Variants in CCDC148 observed in about 807,000 individuals in gnomAD.
CCDC148 encodes coiled-coil domain-containing protein 148.
In CCDC148, 89 loss-of-function variants were observed where a neutral mutation model predicts 85.7. That is an observed-to-expected ratio of 1.04 (90% CI 0.87 to 1.24). The LOEUF is 1.24. CCDC148 is among the 50% of genes most tolerant of loss of function. The pLI is 0.00. For missense variants in CCDC148, 692 were observed against 671.7 expected (o/e 1.03, Z -0.33); for synonymous variants, 230 against 213.9 (o/e 1.08, Z -0.66).
chr2:158,412,826 T>TTTATTATTA (rs70994204), intron 1 of CCDC148, among the ~76,000 whole-genome samples: 32 of 138,914 alleles, frequency 2.3e-4, no homozygotes, highest in South Asian at 4.5e-4. Flanking sequence ...AATATAAGTA[T>TTTATTATTA]TTATTATTAT....
At chr2:158,280,108 A>C (rs1350983218) in intron 9 of CCDC148, among the ~76,000 whole-genome samples, 2 of 152,122 alleles carry the variant, frequency 1.3e-5, no homozygotes, top group Non-Finnish European at 2.9e-5. Context: ...GCCTGCCCTA[A>C]AAGAGCTCCT....
At chr2:158,424,982 T>C (rs1687007789) in intron 1 of CCDC148, 1 of 369,682 alleles carries the variant, frequency 2.7e-6, no homozygotes, top group Admixed American at 3.3e-5. Flanking sequence ...CCCAAAGAGA[T>C]ATAGAAGCTG....
At chr2:158,441,814 T>A (rs964921899) in intron 1 of CCDC148, among the ~76,000 whole-genome samples, 1 of 152,180 alleles carries the variant, frequency 6.6e-6, no homozygotes. Flanking sequence ...ATATCTTCCA[T>A]GTTCATCAAG....
intron 1 of CCDC148, among the ~76,000 whole-genome samples, chr2:158,378,879 C>T (rs1684759560): frequency 6.6e-6 from 1 of 152,118 alleles, no homozygotes; most frequent in Admixed American, 6.6e-5. Context: ...CACAATGCAC[C>T]TCGTCAGCCA....
intron 10 of CCDC148, chr2:158,235,842 G>A (rs147851866): frequency 0.012 from 1,821 of 152,438 alleles, 13 homozygotes; most frequent in South Asian, 0.034. Context: ...ACAGTGCTGG[G>A]TGAGGAGGAC....
intron 9 of CCDC148, among the ~76,000 whole-genome samples, chr2:158,289,872 T>C (rs1182265322): frequency 2.0e-5 from 3 of 152,030 alleles, no homozygotes; most frequent in African/African-American, 7.2e-5. Context: ...CATAACAAAA[T>C]ATTGGGGGAA....
At chr2:158,323,980 G>A (rs1692644048) in intron 7 of CCDC148, among the ~76,000 whole-genome samples, 1 of 133,152 alleles carries the variant, frequency 7.5e-6, no homozygotes, top group Admixed American at 8.5e-5. Context: ...CCAGACTGGA[G>A]TGCCGTGGTG....
intron 1 of CCDC148, among the ~76,000 whole-genome samples, chr2:158,446,981 C>T (rs1688182213): frequency 6.6e-6 from 1 of 151,934 alleles, no homozygotes. Context: ...TCGAGTATGC[C>T]ATGTTTTGTT....
In CCDC148 at chr2:158,433,089, A is replaced by ATATATAT. The variant is rs57003336; in HGVS notation, c.25+23325_25+23326insATATATA. On this transcript the variant is annotated intron_variant, in intron 1 of 13. Transcript: ENST00000283233. The stretch of plus-strand genomic sequence containing the variant: ...CTCATCTCTACAAAAAAAAAAAAAA[A>ATATATAT]AAATATATATATATATATATATGAC... Among the ~76,000 whole-genome samples the ATATATAT allele has an allele frequency of 3.9e-3, 251 of 64,962 alleles. 5 individuals carry two copies. Among genetic ancestry groups the ATATATAT allele is most frequent in the African/African-American group, 7.5e-3 (166 of 22,204 alleles). The allele number at this position is 64,962 out of a possible 152,430, so 42.6% of individuals were successfully genotyped here.
At chr2:158,208,949 ATT>A (rs71404339) in intron 11 of CCDC148, among the ~76,000 whole-genome samples, 4 of 150,704 alleles carry the variant, frequency 2.7e-5, no homozygotes, top group African/African-American at 4.9e-5. Context: ...ATTAGAATAT[ATT>A]TTTTAAAAAA....
intron 7 of CCDC148, among the ~76,000 whole-genome samples, chr2:158,331,597 G>T (rs955824739): frequency 7.0e-6 from 1 of 142,022 alleles, no homozygotes; most frequent in Admixed American, 6.8e-5. Context: ...GTCTAATGTT[G>T]CCATGGGGTG....
intron 5 of CCDC148, 101 bp downstream of exon 5, chr2:158,340,141 A>G: frequency 2.3e-6 from 2 of 860,820 alleles, no homozygotes; most frequent in Non-Finnish European, 3.4e-6. Flanking sequence ...ATTAATATTA[A>G]CTAATATACA....
chr2:158,351,214 G>T lies in CCDC148; in HGVS notation c.148-5896C>A, dbSNP rs181511734. On this transcript the variant is annotated intron_variant, in intron 2 of 13. Transcript: ENST00000283233. ...CCAGCAAACAGTAAACTTCATAAAG[G>T]TAAGGGCTGACCATAGCCCAAGATG... Among the ~76,000 whole-genome samples, 221 of 152,294 alleles carry T rather than the reference G, an allele frequency of 1.5e-3. 2 individuals carry two copies. The highest frequency in any genetic ancestry group is 6.8e-3 in the Middle Eastern group (2 of 294).
At chr2:158,281,850 T>A (rs554186161) in intron 9 of CCDC148, among the ~76,000 whole-genome samples, 1 of 152,268 alleles carries the variant, frequency 6.6e-6, no homozygotes, top group African/African-American at 2.4e-5. Context: ...ACCAACATCC[T>A]TGATGAACAT....
At chr2:158,296,017 T>G (rs943413713) in intron 9 of CCDC148, among the ~76,000 whole-genome samples, 1 of 152,222 alleles carries the variant, frequency 6.6e-6, no homozygotes, top group Non-Finnish European at 1.5e-5. Context: ...TTGCAAATAT[T>G]TTCTTCTAGT....
At chr2:158,359,703 T>A (rs768845782) in intron 1 of CCDC148, among the ~76,000 whole-genome samples, 13 of 152,192 alleles carry the variant, frequency 8.5e-5, no homozygotes, top group Non-Finnish European at 1.9e-4. Flanking sequence ...CCAGGAGATT[T>A]CCTCAAATGC....
At chr2:158,351,276 G>T (rs1422893665) in intron 2 of CCDC148, among the ~76,000 whole-genome samples, 1 of 152,226 alleles carries the variant, frequency 6.6e-6, no homozygotes, top group Non-Finnish European at 1.5e-5. Flanking sequence ...AGCTCCCAGC[G>T]TGAGTGACGC....
intron 9 of CCDC148, among the ~76,000 whole-genome samples, chr2:158,294,509 G>A (rs1272560031): frequency 1.3e-5 from 2 of 152,050 alleles, no homozygotes; most frequent in Admixed American, 1.3e-4. Context: ...GCCAAAACAA[G>A]CCAAAATAGT....
At chr2:158,375,276 A>T (rs1382420338) in intron 1 of CCDC148, among the ~76,000 whole-genome samples, 1 of 152,044 alleles carries the variant, frequency 6.6e-6, no homozygotes, top group East Asian at 1.9e-4. Context: ...TACCCAGTTA[A>T]CTTTAATTTT....
Sources: gnomAD v4.1 joint callset for allele counts (sites outside exome capture counted in the v4.1 genomes callset) on GRCh38, gnomAD v4.1.1 for gene constraint, MANE v1.5 for transcripts, NCBI Gene and HGNC (gene_info 2026-07-23, HGNC 2026-07-21) for gene names.